STK40: variants seen among roughly 807,000 people sequenced by gnomAD.
The protein encoded by STK40 is serine/threonine kinase 40.
A neutral mutation model predicts 47.9 loss-of-function variants in STK40; 13 were observed. The ratio of observed to expected loss-of-function variants is 0.27; its 90% confidence interval spans 0.18 to 0.43. The LOEUF (loss-of-function observed/expected upper bound fraction) is 0.43. Among genes scored for constraint, STK40 ranks in the 20% least tolerant of loss-of-function variants. The pLI is 1.00. For synonymous variants in STK40, 225 were observed against 243.2 expected (o/e 0.93, Z 0.69); for missense variants, 460 against 595.1 (o/e 0.77, Z 2.36).
At chr1:36,370,777 T>G (rs1047796833) in intron 1 of STK40, among the ~76,000 whole-genome samples, 1 of 152,152 alleles carries the variant, frequency 6.6e-6, no homozygotes, top group African/African-American at 2.4e-5. Flanking sequence ...GGGGGATTGG[T>G]TCCAGGACCT....
At position 36,355,228 on chromosome 1, in the gene STK40, C is replaced by A; in HGVS notation, c.548G>T (p.Arg183Leu). 6.2e-7 allele frequency: 1 copy of A among 1,613,960 alleles called. No individual in the cohort carries two copies. The highest frequency in any genetic ancestry group is 1.7e-4 in the Middle Eastern group (1 of 5,996). Residue 183 changes from arginine to leucine, a missense_variant, in exon 5 of 11, where the codon CGC becomes CTC. Physicochemically the swap from Arg to Leu is moderately radical, Grantham distance 102 (BLOSUM62 -2). Around this residue, in one of 3 missense-constraint regions of STK40, gnomAD observed 277 missense variants for 358.7 expected, o/e 0.77. Coordinates refer to ENST00000373132, the MANE Select transcript of STK40 (RefSeq NM_001282547.2). Reference protein sequence around the residue: ...ETVVIFYDVVRVVEALHQKNI... With the variant: ...ETVVIFYDVVLVVEALHQKNI... ...CACCTGGTGCAGGGCCTCCACCACGCGGACCACGTCGTAGAAGATTACCAC... is the reference window on the plus strand; with the variant it reads ...CACCTGGTGCAGGGCCTCCACCACGAGGACCACGTCGTAGAAGATTACCAC...
chr1:36,341,880 C>G lies in STK40; in HGVS notation c.1183G>C (p.Ala395Pro). The G allele has an allele frequency of 4.3e-6, 7 of 1,613,884 alleles. No homozygotes were observed. Among genetic ancestry groups the G allele is most frequent in the Non-Finnish European group, 5.9e-6 (7 of 1,179,936 alleles). ...TGCCGCTTGGGTACCCAGCTCCGGG[C>G]GTCATGGATGGAGCTCTTCTCCTCG... ...LAEEKSSIHD[A>P]RSWVPKRQFG... The change falls in exon 11 of 11, where the codon GCC (alanine) becomes CCC (proline). Residue 395 changes from alanine (A) to proline (P), a missense_variant. By Grantham distance (27) the Ala-to-Pro change is conservative. Around this residue, in one of 3 missense-constraint regions of STK40, gnomAD observed 181 missense variants for 218.9 expected, o/e 0.83. Transcript: ENST00000373132.
chr1:36,352,881 C>T (rs1274182144), intron 6 of STK40, among the ~76,000 whole-genome samples: 1 of 152,246 alleles, frequency 6.6e-6, no homozygotes, highest in Non-Finnish European at 1.5e-5. Flanking sequence ...CCAGGTGGTG[C>T]TAGTCGAAGG....
At chr1:36,343,316 C>T (rs1311854559) in intron 10 of STK40, 48 bp downstream of exon 10, 1 of 1,584,214 alleles carries the variant, frequency 6.3e-7, no homozygotes, top group Admixed American at 1.8e-5. Context: ...CCCCCAGAAG[C>T]CTGTCCCTTG....
At chr1:36,360,424 T>C (rs1646841279) in intron 2 of STK40, among the ~76,000 whole-genome samples, 1 of 152,216 alleles carries the variant, frequency 6.6e-6, no homozygotes, top group Non-Finnish European at 1.5e-5. Flanking sequence ...TAAATAAATT[T>C]GGGGGGCTAT....
At chr1:36,352,313 T>C (rs1028692668) in intron 6 of STK40, among the ~76,000 whole-genome samples, 10 of 152,190 alleles carry the variant, frequency 6.6e-5, no homozygotes, top group African/African-American at 2.4e-4. Flanking sequence ...GTGCCCGTGA[T>C]GCGCCAAACC....
intron 1 of STK40, among the ~76,000 whole-genome samples, chr1:36,375,506 CAAA>C (rs112337610): frequency 7.5e-6 from 1 of 133,796 alleles, no homozygotes. Flanking sequence ...GACTCTGTCT[CAAA>C]AAAAAAAAAA....
chr1:36,382,489 T>C (rs749159021), intron 1 of STK40, among the ~76,000 whole-genome samples: 1 of 152,200 alleles, frequency 6.6e-6, no homozygotes, highest in South Asian at 2.1e-4. Context: ...AACCCATGTA[T>C]ACTTTAAAGT....
At position 36,358,321 on chromosome 1, in the gene STK40, T is replaced by C; in HGVS notation, c.260A>G (p.Lys87Arg). 6.2e-7 allele frequency: 1 copy of C among 1,610,456 alleles called. No homozygotes were observed. Among genetic ancestry groups the C allele is most frequent in the Non-Finnish European group, 8.5e-7 (1 of 1,177,002 alleles). ...GIESQEERQG[K>R]MLLHTEYSLL... ...TGAGTACTCGGTGTGCAGCAGCATC[T>C]TGCCCTGCCGCTCTTCCTGGCTCTC... Residue 87 changes from lysine (K) to arginine (R), a missense_variant, in exon 4 of 11, where the codon AAG becomes AGG. Around this residue, in one of 3 missense-constraint regions of STK40, gnomAD observed 277 missense variants for 358.7 expected, o/e 0.77. Transcript: ENST00000373132.
chr1:36,341,055 G>C lies in STK40; in HGVS notation c.*700C>G, dbSNP rs1470480156. On this transcript the variant is annotated 3_prime_UTR_variant, in exon 11 of 11. Transcript: ENST00000373132. The stretch of plus-strand genomic sequence containing the variant: ...GTGGGCTGAAAGGGGACAGGGACTG[G>C]CAGGAGGGGCTTCCCTGCCTGGGGG... The C allele has an allele frequency of 6.6e-6, 1 of 152,534 alleles. No individual in the cohort carries two copies. Among genetic ancestry groups the C allele is most frequent in the African/African-American group, 2.4e-5 (1 of 41,440 alleles). The allele number at this position is 152,534 out of a possible 1,614,324, so 9.4% of individuals were successfully genotyped here.
intron 1 of STK40, among the ~76,000 whole-genome samples, chr1:36,379,104 T>G (rs1437329575): frequency 6.6e-6 from 1 of 152,178 alleles, no homozygotes; most frequent in East Asian, 1.9e-4. Flanking sequence ...CCCACTACAA[T>G]GACCAGTCCA....
At chr1:36,365,812 A>C (rs1646896921) in intron 1 of STK40, among the ~76,000 whole-genome samples, 1 of 152,190 alleles carries the variant, frequency 6.6e-6, no homozygotes, top group South Asian at 2.1e-4. Context: ...GTAACTATGT[A>C]TTTATTTGTG....
intron 1 of STK40, among the ~76,000 whole-genome samples, chr1:36,378,554 G>A (rs1348094167): frequency 6.6e-6 from 1 of 152,052 alleles, no homozygotes; most frequent in Non-Finnish European, 1.5e-5. Context: ...CGCCTCCTGG[G>A]TTCAAGCGAT....
intron 1 of STK40, among the ~76,000 whole-genome samples, chr1:36,369,555 C>T (rs1019814277): frequency 1.3e-5 from 2 of 152,186 alleles, no homozygotes; most frequent in African/African-American, 2.4e-5. Context: ...CCTGCCCCGC[C>T]CAACTCTCCC....
At chr1:36,346,642 G>A (rs1646704819) in intron 7 of STK40, among the ~76,000 whole-genome samples, 2 of 152,250 alleles carry the variant, frequency 1.3e-5, no homozygotes, top group Admixed American at 1.3e-4. Flanking sequence ...TGAGAACCCA[G>A]GTCTCTGGTC....
chr1:36,382,338 C>T (rs994010312), intron 1 of STK40, among the ~76,000 whole-genome samples: 2 of 152,018 alleles, frequency 1.3e-5, no homozygotes, highest in Admixed American at 6.6e-5. Flanking sequence ...TATGACCATG[C>T]CCAGCTAATT....
chr1:36,363,554 A>C (rs926835497), intron 1 of STK40, among the ~76,000 whole-genome samples: 17 of 151,004 alleles, frequency 1.1e-4, no homozygotes, highest in Middle Eastern at 3.4e-3. Context: ...CGCCTGTAAT[A>C]CCAGCACTTT....
Position 36,342,225 on chromosome 1 carries a change from C to T in STK40, c.1090-252G>A, listed in dbSNP as rs1646655896. ...ACTGACGCAGACTCATGCTTCCTAA[C>T]TCACTGGCTGCGTGAGAGGTCACTT... is the stretch of plus-strand genomic sequence containing the variant. On this transcript the variant is annotated intron_variant, in intron 10 of 10. Transcript: ENST00000373132. 4 of 532,062 alleles carry T rather than the reference C, an allele frequency of 7.5e-6. No homozygotes were observed. In the East Asian group the frequency reaches 9.8e-5, roughly 13 times the overall value. The allele number at this position is 532,062 out of a possible 1,614,324, so 33.0% of individuals were successfully genotyped here.
At chr1:36,372,103 G>A (rs982964972) in intron 1 of STK40, among the ~76,000 whole-genome samples, 1 of 152,138 alleles carries the variant, frequency 6.6e-6, no homozygotes, top group East Asian at 1.9e-4. Context: ...ATCCACAGAC[G>A]TAGAACCCAC....
Sources: allele counts gnomAD v4.1 joint callset (sites outside exome capture counted in the v4.1 genomes callset), GRCh38; gene constraint gnomAD v4.1.1; regional missense constraint gnomAD v4.1.1; transcripts MANE v1.5; gene names NCBI Gene and HGNC (gene_info 2026-07-23, HGNC 2026-07-21).